Variants in LIMK2 observed in about 807,000 individuals in gnomAD.
LIMK2 encodes LIM domain kinase 2.
LIMK2 carries 35 observed loss-of-function variants against 75.7 expected under a neutral mutation model. The ratio of observed to expected loss-of-function variants is 0.46; its 90% CI spans 0.35 to 0.61. The LOEUF (loss-of-function observed/expected upper bound fraction) is 0.61, where lower values mean the gene tolerates loss of function less well. Ranked by LOEUF, LIMK2 falls within the 20% of genes least tolerant of loss-of-function variation. The probability of loss-of-function intolerance (pLI) is 0.00; values close to 1 mark genes in which losing one functional copy is unlikely to be tolerated. For synonymous variants in LIMK2, 301 were observed against 319.2 expected, an observed-to-expected ratio of 0.94 and a Z score of 0.61; for missense variants, 623 against 831.0, an observed-to-expected ratio of 0.75 and a Z score of 3.08.
At chr22:31,269,169 G>A (rs138576165) in intron 11 of LIMK2, among the ~76,000 whole-genome samples, 2,499 of 151,836 alleles carry the variant, frequency 0.016, 59 homozygotes, top group African/African-American at 0.056. Flanking sequence ...GCAGTGGCAC[G>A]ATCATGGCTC....
chr22:31,258,256 T>C, intron 2 of LIMK2, 35 bp from the exon 3 acceptor site: 2 of 1,566,430 alleles, frequency 1.3e-6, no homozygotes, highest in Non-Finnish European at 1.7e-6. Flanking sequence ...GTTCCAGGGA[T>C]CCAGGAGAAT....
Position 31,255,585 on chromosome 22 carries a change from T to TA in LIMK2, c.117-2705dup, listed in dbSNP as rs553163084. Among the ~76,000 whole-genome samples the TA allele has an allele frequency of 4.0e-3, 613 of 152,346 alleles. 4 individuals carry two copies. The highest frequency in any genetic ancestry group is 0.014 in the South Asian group (66 of 4,826). On this transcript the variant is annotated intron_variant, in intron 2 of 15. Transcript: ENST00000331728. ...TCAACTCATTCCTGCCCCTCTTCTC[T>TA]ACCTCCCGCAGTGCTCAGAAGTAGT...
At chr22:31,233,249 A>C (rs2048543952) in intron 2 of LIMK2, among the ~76,000 whole-genome samples, 3 of 152,154 alleles carry the variant, frequency 2.0e-5, no homozygotes, top group Admixed American at 2.0e-4. Context: ...AATGGCTCCC[A>C]CCTCAAAAAG....
At chr22:31,237,693 T>A (rs78600489) in intron 2 of LIMK2, among the ~76,000 whole-genome samples, 412 of 152,310 alleles carry the variant, frequency 2.7e-3, no homozygotes, top group African/African-American at 9.6e-3. Context: ...ATGTTTGTTC[T>A]TTGTTATTAG....
At chr22:31,268,273 AG>A in intron 11 of LIMK2, 73 bp downstream of exon 11, 1 of 1,240,872 alleles carries the variant, frequency 8.1e-7, no homozygotes, top group Non-Finnish European at 1.2e-6. Context: ...CTTCACTGGA[AG>A]GTAGAGACCC....
chr22:31,228,209 G>C lies in LIMK2; in HGVS notation c.116+2390G>C, dbSNP rs1412446136. Among the ~76,000 whole-genome samples the C allele has an allele frequency of 3.9e-5, 6 of 152,232 alleles. No homozygotes were observed. In the East Asian group the frequency reaches 9.7e-4, roughly 25 times the overall value. On this transcript the variant is annotated intron_variant, in intron 2 of 15. Coordinates refer to ENST00000331728, the MANE Select transcript of LIMK2 (RefSeq NM_005569.4). Reference sequence around the variant, plus strand: ...AGGCAGGTGGATCACCTGAGGTCAGGAATTCGAGACCAGCCTGACCAACAT... The same window carrying C: ...AGGCAGGTGGATCACCTGAGGTCAGCAATTCGAGACCAGCCTGACCAACAT...
intron 2 of LIMK2, among the ~76,000 whole-genome samples, chr22:31,253,397 G>A (rs998392710): frequency 8.5e-5 from 13 of 152,250 alleles, no homozygotes; most frequent in African/African-American, 3.1e-4. Flanking sequence ...GCACCTTACA[G>A]TTCCAAAGTG....
chr22:31,258,683 T>C, intron 3 of LIMK2: 1 of 475,452 alleles, frequency 2.1e-6, no homozygotes, highest in Non-Finnish European at 3.8e-6. Flanking sequence ...TATAGTTGGA[T>C]AAGGACCTCC....
intron 2 of LIMK2, chr22:31,248,846 C>G (rs1264958015): frequency 1.4e-6 from 2 of 1,460,950 alleles, no homozygotes; most frequent in Admixed American, 1.7e-5. Flanking sequence ...CCCTAAATCT[C>G]CTTCTCACTT....
Position 31,267,900 on chromosome 22 carries a change from G to A in LIMK2, c.1253G>A (p.Arg418His), listed in dbSNP as rs147975203. 277 of 1,598,184 alleles carry A rather than the reference G, an allele frequency of 1.7e-4. No individual in the cohort carries two copies. Among genetic ancestry groups the A allele is most frequent in the Middle Eastern group, 5.0e-4 (3 of 5,954 alleles). ...IEGGTLKDFLRSMDPFPWQQK... is the reference protein window; with the variant it reads ...IEGGTLKDFLHSMDPFPWQQK... Reference sequence around the variant, plus strand: ...GGGGGCACACTGAAGGACTTTCTGCGCAGTATGGTGAGCACACCACCCCAT... The same window carrying A: ...GGGGGCACACTGAAGGACTTTCTGCACAGTATGGTGAGCACACCACCCCAT... The change falls in exon 10 of 16, where the codon CGC (arginine) becomes CAC (histidine). Residue 418 changes from arginine (R) to histidine (H), a missense_variant. Physicochemically the swap from Arg to His is conservative, Grantham distance 29. Coordinates refer to ENST00000331728, the MANE Select transcript of LIMK2 (RefSeq NM_005569.4).
chr22:31,237,289 C>T (rs886149379), intron 2 of LIMK2, among the ~76,000 whole-genome samples: 20 of 150,078 alleles, frequency 1.3e-4, no homozygotes, highest in African/African-American at 2.9e-4. Flanking sequence ...GGAGGTTGGG[C>T]GCGGTGGCTC....
At chr22:31,258,161 A>ATCTCCCCATCTTG (rs2048803057) in intron 2 of LIMK2, 130 bp from the exon 3 acceptor site, 1 of 922,468 alleles carries the variant, frequency 1.1e-6, no homozygotes, top group Non-Finnish European at 1.6e-6. Context: ...CAAGGCTGTA[A>ATCTCCCCATCTTG]CTTTGCCCCA....
Position 31,225,806 on chromosome 22 carries a change from G to C in LIMK2, c.103G>C (p.Gly35Arg). ...WYRTVNETWH[G>R]SCFRCSECQD... ...CAGGACTGTCAACGAAACCTGGCAC[G>C]GCTCTTGCTTCCGGTAGGTGGGCCT... The change falls in exon 2 of 16, where the codon GGC becomes CGC. Residue 35 changes from glycine (G) to arginine (R), a missense_variant. Physicochemically the swap from Gly to Arg is moderately radical, Grantham distance 125. Transcript: ENST00000331728. 6.2e-7 allele frequency: 1 copy of C among 1,613,256 alleles called. No individual in the cohort carries two copies. Among genetic ancestry groups the C allele is most frequent in the South Asian group, 1.1e-5 (1 of 91,038 alleles).
intron 2 of LIMK2, among the ~76,000 whole-genome samples, chr22:31,235,591 A>ACT (rs1416807756): frequency 6.6e-6 from 1 of 152,146 alleles, no homozygotes; most frequent in Non-Finnish European, 1.5e-5. Flanking sequence ...TAGCCACCAA[A>ACT]CTGATTATGA....
intron 15 of LIMK2, 30 bp from the exon 16 acceptor site, chr22:31,278,267 C>G (rs549202036): frequency 8.4e-5 from 134 of 1,592,182 alleles, no homozygotes; most frequent in Non-Finnish European, 1.1e-4. Flanking sequence ...CATGTTCCAC[C>G]TGCCTCTAAT....
At chr22:31,255,673 C>T (rs1196005085) in intron 2 of LIMK2, among the ~76,000 whole-genome samples, 1 of 152,226 alleles carries the variant, frequency 6.6e-6, no homozygotes, top group Non-Finnish European at 1.5e-5. Context: ...TCTTCCTCAA[C>T]TCTTCATAAG....
intron 2 of LIMK2, 51 bp downstream of exon 2, chr22:31,225,870 T>C (rs768077145): frequency 2.3e-6 from 3 of 1,287,552 alleles, no homozygotes; most frequent in African/African-American, 1.5e-5. Flanking sequence ...GGCCAAGCAC[T>C]ATTTCATGTT....
intron 1 of LIMK2, among the ~76,000 whole-genome samples, chr22:31,222,076 T>C (rs2048438887): frequency 6.6e-6 from 1 of 151,866 alleles, no homozygotes; most frequent in South Asian, 2.1e-4. Flanking sequence ...CTTTTTTTCT[T>C]TTTTCTTTTT....
At chr22:31,237,554 CAAAAAAA>C (rs1040206766) in intron 2 of LIMK2, among the ~76,000 whole-genome samples, 3 of 103,972 alleles carry the variant, frequency 2.9e-5, no homozygotes, top group Non-Finnish European at 6.2e-5. Context: ...GATTCCGTCT[CAAAAAAA>C]AAAAAAAAGA....
Sources: allele counts gnomAD v4.1 joint callset (sites outside exome capture counted in the v4.1 genomes callset), GRCh38; gene constraint gnomAD v4.1.1; transcripts MANE v1.5; gene names NCBI Gene and HGNC (gene_info 2026-07-23, HGNC 2026-07-21).